The following MAST2 variants were observed in gnomAD, a reference collection of about 807,000 sequenced individuals.
MAST2 encodes microtubule-associated serine/threonine-protein kinase 2.
Under a neutral mutation model 147.4 loss-of-function variants are expected in MAST2, and 70 were observed. That is an observed-to-expected ratio of 0.47 (90% CI 0.39 to 0.58). MAST2 has a LOEUF of 0.58. MAST2 is among the 20% of genes least tolerant of loss of function. The pLI is 0.00. For synonymous variants in MAST2, 869 were observed against 896.8 expected (o/e 0.97, Z 0.55); for missense variants, 2,080 against 2,302.3 (o/e 0.90, Z 1.98).
At chr1:45,921,672 G>A (rs1286532840) in intron 4 of MAST2, among the ~76,000 whole-genome samples, 2 of 152,192 alleles carry the variant, frequency 1.3e-5, no homozygotes, top group African/African-American at 4.8e-5. Context: ...AAGGGAACGC[G>A]GTGGTGCCCA....
intron 3 of MAST2, among the ~76,000 whole-genome samples, chr1:45,830,686 A>C (rs2147820313): frequency 6.6e-6 from 1 of 152,188 alleles, no homozygotes; most frequent in East Asian, 1.9e-4. Context: ...GTACATGAGG[A>C]CAGGGAACTT....
intron 3 of MAST2, among the ~76,000 whole-genome samples, chr1:45,869,240 G>T (rs1234205110): frequency 2.0e-5 from 3 of 152,098 alleles, no homozygotes; most frequent in Non-Finnish European, 4.4e-5. Flanking sequence ...GGTAACTCCA[G>T]TATCTTTGTA....
chr1:46,035,743 G>T lies in MAST2; in HGVS notation c.5074G>T (p.Ala1692Ser). ...NLQDLENTTP[A>S]QPKNLSPREQ... Reference sequence around the variant, plus strand: ...CCAGGATTTGGAAAACACAACTCCAGCCCAGCCTAAGAACCTGTCTCCCAG... The same window carrying T: ...CCAGGATTTGGAAAACACAACTCCATCCCAGCCTAAGAACCTGTCTCCCAG... The change falls in exon 29 of 29, where the codon GCC (alanine) becomes TCC (serine). Residue 1692 changes from alanine to serine, a missense_variant. By Grantham distance (99) the Ala-to-Ser change is moderately conservative (BLOSUM62 1). Around this residue, in one of 4 missense-constraint regions of MAST2, gnomAD observed 1,278 missense variants for 1,304.2 expected, o/e 0.98. Transcript: ENST00000361297. The surrounding 1 kb of genome is among the most constrained non-coding windows in gnomAD (Gnocchi z 5.5). 1 of 1,614,044 alleles carries T rather than the reference G, an allele frequency of 6.2e-7. No individual in the cohort carries two copies. Among genetic ancestry groups the T allele is most frequent in the Non-Finnish European group, 8.5e-7 (1 of 1,180,006 alleles).
intron 5 of MAST2, among the ~76,000 whole-genome samples, chr1:45,972,943 G>C (rs895634670): frequency 6.6e-6 from 1 of 152,036 alleles, no homozygotes; most frequent in African/African-American, 2.4e-5. Flanking sequence ...CAAAGCATTG[G>C]GTCTAGTAGT....
intron 4 of MAST2, among the ~76,000 whole-genome samples, chr1:45,893,906 C>T (rs1261532900): frequency 6.6e-6 from 1 of 151,966 alleles, no homozygotes; most frequent in Non-Finnish European, 1.5e-5. Flanking sequence ...TGTGATTTTG[C>T]CAAGGATGTT....
At chr1:45,882,770 A>C (rs566410906) in intron 4 of MAST2, among the ~76,000 whole-genome samples, 6 of 152,370 alleles carry the variant, frequency 3.9e-5, no homozygotes, top group African/African-American at 1.4e-4. Context: ...ATCCGGTAAC[A>C]TGGTATGAGG....
chr1:45,830,426 G>GCCTC (rs1438846177), intron 3 of MAST2, among the ~76,000 whole-genome samples: 6 of 152,064 alleles, frequency 3.9e-5, no homozygotes, highest in Non-Finnish European at 8.8e-5. Context: ...ACCCACCTCA[G>GCCTC]CCTCCCAAAG....
Position 45,824,481 on chromosome 1 carries a change from C to T in MAST2, c.226C>T (p.Pro76Ser). Residue 76 changes from proline to serine, a missense_variant, in exon 2 of 29, where the codon CCT becomes TCT. By Grantham distance (74) the Pro-to-Ser change is moderately conservative. Coordinates refer to ENST00000361297, the MANE Select transcript of MAST2 (RefSeq NM_015112.3). The stretch of plus-strand genomic sequence containing the variant: ...CCTGCTCTTCAGGAAACTCAGTAAT[C>T]CTGACATATTTTCATCCACTGGAAA... ...SPLLFRKLSN[P>S]DIFSSTGKVK... 4 of 1,612,182 alleles carry T rather than the reference C, an allele frequency of 2.5e-6. No homozygotes were observed. The highest frequency in any genetic ancestry group is 3.4e-6 in the Non-Finnish European group (4 of 1,178,870).
chr1:45,977,487 T>TC (rs1644214909), intron 5 of MAST2, among the ~76,000 whole-genome samples: 2 of 146,258 alleles, frequency 1.4e-5, no homozygotes. Context: ...AAACTCTATC[T>TC]CAAACAAACA....
chr1:45,832,329 C>A (rs1388871848), intron 3 of MAST2, among the ~76,000 whole-genome samples: 1 of 149,548 alleles, frequency 6.7e-6, no homozygotes, highest in African/African-American at 2.5e-5. Context: ...GAGACAGGTT[C>A]TCCCTCTGTT....
chr1:46,000,171 G>A (rs4233500), intron 6 of MAST2, among the ~76,000 whole-genome samples: 67,878 of 151,938 alleles, frequency 0.45, 15,344 homozygotes, highest in East Asian at 0.63. Context: ...AAAATTAGCC[G>A]GGCATGGTGG....
chr1:46,004,739 C>T (rs1416950735), intron 7 of MAST2, among the ~76,000 whole-genome samples: 1 of 152,212 alleles, frequency 6.6e-6, no homozygotes, highest in Non-Finnish European at 1.5e-5. Context: ...GAGCCTGTGA[C>T]AACAGAGTTA....
chr1:45,988,342 A>G (rs1169258641), intron 5 of MAST2, among the ~76,000 whole-genome samples: 1 of 152,064 alleles, frequency 6.6e-6, no homozygotes, highest in Non-Finnish European at 1.5e-5. Context: ...TTCTTCTTTG[A>G]CCCACAAATT....
In MAST2 at chr1:45,883,912, G is replaced by GCCTCCCCCCCC. The variant is rs59944185; in HGVS notation, c.500+1519_500+1520insTCCCCCCCCCC. Among the ~76,000 whole-genome samples the GCCTCCCCCCCC allele has an allele frequency of 2.8e-3, 7 of 2,504 alleles. 1 individual carries two copies. Among genetic ancestry groups the GCCTCCCCCCCC allele is most frequent in the Non-Finnish European group, 3.0e-3 (3 of 1,002 alleles). The allele number at this position is 2,504 out of a possible 152,430, so 1.6% of individuals were successfully genotyped here. The stretch of plus-strand genomic sequence containing the variant: ...ACTTGGTCATTTTTCTACTATTTCT[G>GCCTCCCCCCCC]CCCCCCCCGCTTTTTTTTGGTTGCT... On this transcript the variant is annotated intron_variant, in intron 4 of 28. Coordinates refer to ENST00000361297, the MANE Select transcript of MAST2 (RefSeq NM_015112.3).
chr1:46,025,996 C>T (rs1374516188), intron 16 of MAST2, among the ~76,000 whole-genome samples, 181 bp downstream of exon 16: 1 of 152,206 alleles, frequency 6.6e-6, no homozygotes, highest in African/African-American at 2.4e-5. Flanking sequence ...ATCATTGCCT[C>T]AAGGTCTGGC....
chr1:46,035,218 G>T lies in MAST2; in HGVS notation c.4549G>T (p.Gly1517Cys), dbSNP rs772163771. ...DTEEGPENSQ[G>C]AQELSLAPHP... ...CGAGGAAGGGCCTGAGAACAGCCAGGGTGCACAGGAGCTGAGCTTGGCACC... is the reference window on the plus strand; with the variant it reads ...CGAGGAAGGGCCTGAGAACAGCCAGTGTGCACAGGAGCTGAGCTTGGCACC... The change falls in exon 29 of 29, where the codon GGT (glycine) becomes TGT (cysteine). Residue 1517 changes from glycine (G) to cysteine (C), a missense_variant. Coordinates refer to ENST00000361297, the MANE Select transcript of MAST2 (RefSeq NM_015112.3). The surrounding 1 kb of genome is among the most constrained non-coding windows in gnomAD (Gnocchi z 5.5). 6 of 1,613,946 alleles carry T rather than the reference G, an allele frequency of 3.7e-6. No individual in the cohort carries two copies. The highest frequency in any genetic ancestry group is 5.1e-6 in the Non-Finnish European group (6 of 1,180,036).
chr1:45,877,403 G>A (rs1022283827), intron 3 of MAST2, among the ~76,000 whole-genome samples: 1 of 152,096 alleles, frequency 6.6e-6, no homozygotes, highest in African/African-American at 2.4e-5. Context: ...AAAGCCTTAT[G>A]AAGGCCTTAA....
intron 3 of MAST2, among the ~76,000 whole-genome samples, chr1:45,838,256 G>C (rs1417029787): frequency 8.4e-6 from 1 of 119,412 alleles, no homozygotes; most frequent in African/African-American, 3.3e-5. Flanking sequence ...GTCTCGGTCT[G>C]TTGCCCACGC....
At chr1:46,032,854 G>A in intron 26 of MAST2, 136 bp downstream of exon 26, 2 of 1,210,266 alleles carry the variant, frequency 1.7e-6, no homozygotes, top group Non-Finnish European at 2.3e-6. Flanking sequence ...CACAGGCCGG[G>A]CGCGGTGGCT....
Sources: allele counts gnomAD v4.1 joint callset (sites outside exome capture counted in the v4.1 genomes callset), GRCh38; gene constraint gnomAD v4.1.1; regional missense constraint gnomAD v4.1.1; non-coding constraint Gnocchi (gnomAD v3.1); transcripts MANE v1.5; gene names NCBI Gene and HGNC (gene_info 2026-07-23, HGNC 2026-07-21).